The following CCDC85A variants were observed in gnomAD, a reference collection of about 807,000 sequenced individuals.
CCDC85A encodes coiled-coil domain-containing protein 85A.
CCDC85A carries 38 observed loss-of-function variants against 50.2 expected under a neutral mutation model. That is an observed-to-expected ratio of 0.76 (90% CI 0.58 to 0.99). The LOEUF is 0.99. Among genes scored for constraint, CCDC85A ranks in the 50% least tolerant of loss-of-function variants. The pLI is 0.00. For synonymous variants in CCDC85A, 366 were observed against 301.4 expected (o/e 1.21, Z -2.22); for missense variants, 820 against 742.0 (o/e 1.11, Z -1.22).
intron 2 of CCDC85A, among the ~76,000 whole-genome samples, chr2:56,223,802 T>C (rs1380371401): frequency 6.6e-6 from 1 of 152,170 alleles, no homozygotes; most frequent in Admixed American, 6.6e-5. Context: ...AATGGCTACA[T>C]TGGAGATTTG....
At chr2:56,287,402 A>T in intron 2 of CCDC85A, among the ~76,000 whole-genome samples, 1 of 152,220 alleles carries the variant, frequency 6.6e-6, no homozygotes, top group South Asian at 2.1e-4. Context: ...CTCAGGCAGA[A>T]AACCAGGGCA....
At chr2:56,189,295 G>GTATTTTTTTTTTTTTTTTTTTTTTTTTTT (rs773078371) in intron 1 of CCDC85A, among the ~76,000 whole-genome samples, 10 of 100,462 alleles carry the variant, frequency 1.0e-4, no homozygotes, top group African/African-American at 3.1e-4. Flanking sequence ...GGTATTTTTG[G>GTATTTTTTTTTTTTTTTTTTTTTTTTTTT]TGTTTTTTTT....
intron 2 of CCDC85A, among the ~76,000 whole-genome samples, chr2:56,332,510 C>A (rs532962218): frequency 3.9e-5 from 6 of 152,108 alleles, no homozygotes. Flanking sequence ...CTCTTAAGGG[C>A]TCCGTCTCTT....
intron 2 of CCDC85A, among the ~76,000 whole-genome samples, chr2:56,231,777 G>T (rs765428347): frequency 6.6e-6 from 1 of 152,102 alleles, no homozygotes. Flanking sequence ...TATCAGGGAT[G>T]TTTGTAGTTA....
chr2:56,280,788 C>G (rs1671172468), intron 2 of CCDC85A, among the ~76,000 whole-genome samples: 1 of 152,138 alleles, frequency 6.6e-6, no homozygotes, highest in African/African-American at 2.4e-5. Context: ...CTCTCTCTCC[C>G]TCACAAACTT....
chr2:56,283,111 T>G (rs2104110819), intron 2 of CCDC85A, among the ~76,000 whole-genome samples: 1 of 152,336 alleles, frequency 6.6e-6, no homozygotes. Context: ...ACAGTTTTAC[T>G]TCTTACTTTC....
At chr2:56,248,154 T>G (rs1669591918) in intron 2 of CCDC85A, among the ~76,000 whole-genome samples, 1 of 152,244 alleles carries the variant, frequency 6.6e-6, no homozygotes, top group Non-Finnish European at 1.5e-5. Context: ...GTCATTGTGA[T>G]AAATGCTTCT....
chr2:56,378,867 T>C (rs547950472), intron 5 of CCDC85A, among the ~76,000 whole-genome samples: 2 of 152,316 alleles, frequency 1.3e-5, no homozygotes, highest in Admixed American at 1.3e-4. Flanking sequence ...GTGGATTCTA[T>C]AGGAACTTCT....
chr2:56,263,406 C>T (rs1191147507), intron 2 of CCDC85A, among the ~76,000 whole-genome samples: 1 of 152,226 alleles, frequency 6.6e-6, no homozygotes, highest in Non-Finnish European at 1.5e-5. Context: ...TTTGGGAAGA[C>T]ATTCTGTGTA....
At chr2:56,352,530 G>C (rs779199775) in intron 3 of CCDC85A, among the ~76,000 whole-genome samples, 1 of 152,116 alleles carries the variant, frequency 6.6e-6, no homozygotes, top group Non-Finnish European at 1.5e-5. Flanking sequence ...ATTTTTAATA[G>C]AGACGGGGTC....
intron 5 of CCDC85A, chr2:56,379,764 G>T: frequency 1.0e-6 from 1 of 983,434 alleles, no homozygotes; most frequent in African/African-American, 1.7e-5. Context: ...TGGATGTTCA[G>T]GAAACTATAG....
chr2:56,341,090 T>C (rs914722204), intron 2 of CCDC85A, among the ~76,000 whole-genome samples: 9 of 152,144 alleles, frequency 5.9e-5, no homozygotes, highest in African/African-American at 2.2e-4. Context: ...TGCAGTGGCC[T>C]GCTAGCTCTT....
chr2:56,362,177 G>A (rs1238175981), intron 3 of CCDC85A, among the ~76,000 whole-genome samples: 1 of 152,088 alleles, frequency 6.6e-6, no homozygotes, highest in Admixed American at 6.5e-5. Context: ...TGTCAACCCT[G>A]GGAAGAATTG....
intron 2 of CCDC85A, among the ~76,000 whole-genome samples, chr2:56,322,351 C>G (rs1028308695): frequency 6.6e-6 from 1 of 152,150 alleles, no homozygotes; most frequent in African/African-American, 2.4e-5. Flanking sequence ...TCAGAGTGAA[C>G]AGGCAACCTA....
chr2:56,371,099 A>G (rs1255115056), intron 3 of CCDC85A, among the ~76,000 whole-genome samples: 1 of 152,108 alleles, frequency 6.6e-6, no homozygotes, highest in African/African-American at 2.4e-5. Flanking sequence ...CAAAAGAGCA[A>G]TGTTCAAATT....
At chr2:56,333,248 G>A (rs780430233) in intron 2 of CCDC85A, among the ~76,000 whole-genome samples, 5 of 152,180 alleles carry the variant, frequency 3.3e-5, no homozygotes, top group Admixed American at 6.5e-5. Flanking sequence ...GACTGGGCAC[G>A]TCTCAATGAG....
intron 3 of CCDC85A, among the ~76,000 whole-genome samples, chr2:56,362,309 T>C (rs1323433962): frequency 6.6e-6 from 1 of 152,064 alleles, no homozygotes; most frequent in Non-Finnish European, 1.5e-5. Flanking sequence ...ATTTTGGACA[T>C]AGTCAATTTG....
intron 2 of CCDC85A, among the ~76,000 whole-genome samples, chr2:56,254,687 C>T (rs976681230): frequency 2.0e-5 from 3 of 152,116 alleles, no homozygotes; most frequent in African/African-American, 7.2e-5. Flanking sequence ...AAATAAATAA[C>T]ACTGATGTGT....
intron 2 of CCDC85A, among the ~76,000 whole-genome samples, chr2:56,240,822 A>C (rs942882796): frequency 1.3e-5 from 2 of 152,134 alleles, no homozygotes; most frequent in African/African-American, 4.8e-5. Context: ...TTCTTTTGCT[A>C]TTATGAGTAA....
Sources: allele counts gnomAD v4.1 joint callset (sites outside exome capture counted in the v4.1 genomes callset), GRCh38; gene constraint gnomAD v4.1.1; transcripts MANE v1.5; gene names NCBI Gene and HGNC (gene_info 2026-07-23, HGNC 2026-07-21).